Variants in RIMS3 observed in about 807,000 individuals in gnomAD.
RIMS3 encodes the protein regulating synaptic membrane exocytosis 3, also known as regulating synaptic membrane exocytosis protein 3.
RIMS3 carries 15 observed loss-of-function variants against 29.2 expected under a neutral mutation model. That is an observed-to-expected ratio of 0.51 (90% CI 0.34 to 0.79). RIMS3 has a LOEUF of 0.79. Among genes scored for constraint, RIMS3 ranks in the 30% least tolerant of loss-of-function variants. The pLI, the probability that RIMS3 is intolerant of heterozygous loss-of-function variation, is 0.01. For synonymous variants in RIMS3, 161 were observed against 170.1 expected (o/e 0.95, Z 0.41); for missense variants, 342 against 421.4 (o/e 0.81, Z 1.65).
At chr1:40,691,964 C>G in the RIMS3 span, 20 of 311,866 alleles carry the variant, frequency 6.4e-5, no homozygotes, top group Non-Finnish European at 1.2e-4. Context: ...ACCTCACTTC[C>G]TCGCGCGGCC....
Position 40,621,481 on chromosome 1 carries a change from T to A in RIMS3, c.*5036A>T, listed in dbSNP as rs1646420485. On this transcript the variant is annotated 3_prime_UTR_variant, in exon 8 of 8. Transcript: ENST00000372684. ...ACCAGATGAGAGCCTGCACCCAGCC[T>A]GGGCATCAGGGGCTGAAGGAAACCA... 1 of 152,224 alleles carries A rather than the reference T, an allele frequency of 6.6e-6. No individual in the cohort carries two copies. Among genetic ancestry groups the A allele is most frequent in the African/African-American group, 2.4e-5 (1 of 41,462 alleles). 9.4% of individuals were successfully genotyped at this position (152,224 alleles called of 1,614,324 possible).
chr1:40,682,835 G>A, the RIMS3 span, among the ~76,000 whole-genome samples: 16 of 142,204 alleles, frequency 1.1e-4, no homozygotes, highest in Non-Finnish European at 2.3e-4. Flanking sequence ...CTGCCTCCCG[G>A]GTTCAAGCGA....
At chr1:40,672,868 GAAA>G in the RIMS3 span, among the ~76,000 whole-genome samples, 5 of 132,464 alleles carry the variant, frequency 3.8e-5, no homozygotes, top group African/African-American at 5.6e-5. Flanking sequence ...CATCTCTGGA[GAAA>G]AAAAAAAAAA....
chr1:40,636,708 T>A lies in RIMS3; in HGVS notation c.218-651A>T, dbSNP rs1338717123. On this transcript the variant is annotated intron_variant, in intron 3 of 7. Transcript: ENST00000372684. The surrounding 1 kb of genome is among the most constrained non-coding windows in gnomAD (Gnocchi z 4.2). ...CTGCTGGGTTGACCCAAATTGTCTT[T>A]GGCTTTGAGAAAAGGTCTGCAGAAG... 6.6e-6 allele frequency among the ~76,000 whole-genome samples: 1 copy of A among 152,156 alleles called. No individual in the cohort carries two copies. Among genetic ancestry groups the A allele is most frequent in the Non-Finnish European group, 1.5e-5 (1 of 68,026 alleles).
At chr1:40,628,173 G>A (rs914636717) in intron 7 of RIMS3, among the ~76,000 whole-genome samples, 3 of 152,190 alleles carry the variant, frequency 2.0e-5, no homozygotes, top group Admixed American at 6.5e-5. Context: ...AATGAGTGCT[G>A]AGCTGGAATC....
chr1:40,688,349 CT>C, the RIMS3 span, among the ~76,000 whole-genome samples: 1 of 152,192 alleles, frequency 6.6e-6, no homozygotes, highest in East Asian at 1.9e-4. Flanking sequence ...TAGACAGGTT[CT>C]GTTATACAGT....
rs1646454102 is a variant in RIMS3 at position 40,626,366 on chromosome 1, G to A, written c.*151C>T. The A allele has an allele frequency of 1.4e-6, 1 of 727,912 alleles. No individual in the cohort carries two copies. Among genetic ancestry groups the A allele is most frequent in the Admixed American group, 2.0e-5 (1 of 49,280 alleles). The allele number at this position is 727,912 out of a possible 1,614,324, so 45.1% of individuals were successfully genotyped here. ...CGCACGCACACACGCACACACTACAGTCTCCACTGCCAGCTGGGATGAGCC... is the reference window on the plus strand; with the variant it reads ...CGCACGCACACACGCACACACTACAATCTCCACTGCCAGCTGGGATGAGCC... On this transcript the variant is annotated 3_prime_UTR_variant, in exon 8 of 8. Transcript: ENST00000372684.
intron 1 of RIMS3, among the ~76,000 whole-genome samples, chr1:40,649,832 C>T (rs1409410565): frequency 6.6e-6 from 1 of 152,130 alleles, no homozygotes; most frequent in Non-Finnish European, 1.5e-5. Flanking sequence ...CAGGGTGGGC[C>T]CTCTCCCATC....
In RIMS3 at chr1:40,623,021, G is replaced by A. The variant is rs1646432286; in HGVS notation, c.*3496C>T. ...AGGCTGGCAGTAAAGAAGAGATCAGGCATGCTTCCCTGGTGGGTGGCATGA... is the reference window on the plus strand; with the variant it reads ...AGGCTGGCAGTAAAGAAGAGATCAGACATGCTTCCCTGGTGGGTGGCATGA... On this transcript the variant is annotated 3_prime_UTR_variant, in exon 8 of 8. Transcript: ENST00000372684. 5.4e-6 allele frequency: 1 copy of A among 184,204 alleles called. No individual in the cohort carries two copies. The highest frequency in any genetic ancestry group is 1.1e-5 in the Non-Finnish European group (1 of 89,372). 11.4% of individuals were successfully genotyped at this position (184,204 alleles called of 1,614,324 possible). A position where few individuals can be genotyped will look rare whatever the true frequency, so the allele number is the denominator to read the frequency against.
At chr1:40,649,875 T>C (rs950865085) in intron 1 of RIMS3, among the ~76,000 whole-genome samples, 5 of 152,044 alleles carry the variant, frequency 3.3e-5, no homozygotes, top group Non-Finnish European at 5.9e-5. Flanking sequence ...TCTGAGGGTA[T>C]GGTAAGGGAT....
At chr1:40,660,378 C>CTT (rs535968581) in intron 1 of RIMS3, among the ~76,000 whole-genome samples, 11 of 135,172 alleles carry the variant, frequency 8.1e-5, no homozygotes, top group Admixed American at 1.5e-4. Context: ...GTTGGGGCTT[C>CTT]TTTTTTTTTT....
chr1:40,630,221 C>G (rs1426599877), intron 5 of RIMS3, among the ~76,000 whole-genome samples: 1 of 152,196 alleles, frequency 6.6e-6, no homozygotes, highest in Non-Finnish European at 1.5e-5. Flanking sequence ...GGCCAGCAGA[C>G]TTTCTGGGTG....
chr1:40,686,937 C>T, the RIMS3 span, among the ~76,000 whole-genome samples: 118,962 of 151,520 alleles, frequency 0.79, 47,309 homozygotes, highest in African/African-American at 0.9. Context: ...TCACTATCTT[C>T]TGTAAAACCT....
chr1:40,659,851 C>T (rs1034911966), intron 1 of RIMS3, among the ~76,000 whole-genome samples: 1 of 152,092 alleles, frequency 6.6e-6, no homozygotes, highest in Non-Finnish European at 1.5e-5. Context: ...CAGAAGAAGA[C>T]ACAAAAAGGT....
At chr1:40,685,348 AT>A in the RIMS3 span, among the ~76,000 whole-genome samples, 16 of 51,782 alleles carry the variant, frequency 3.1e-4, no homozygotes, top group Non-Finnish European at 4.9e-4. Context: ...TATATTATAT[AT>A]ATATTATATA....
Position 40,654,482 on chromosome 1 carries a change from C to T in RIMS3, c.-206-6640G>A, listed in dbSNP as rs142062748. Among the ~76,000 whole-genome samples, 7 of 152,272 alleles carry T rather than the reference C, an allele frequency of 4.6e-5. No individual in the cohort carries two copies. The East Asian group carries it at 1.2e-3, about 25-fold the overall frequency. On this transcript the variant is annotated intron_variant, in intron 1 of 7. Coordinates refer to ENST00000372684, the MANE Select transcript of RIMS3 (RefSeq NM_014747.3). The surrounding 1 kb of genome is among the most constrained non-coding windows in gnomAD (Gnocchi z 5.3). ...GATGCACGCTGTACAAAGAAGATGA[C>T]GTACACAAAACAACAGGCACACACC...
chr1:40,626,582 C>T lies in RIMS3; in HGVS notation c.862G>A (p.Gly288Arg), dbSNP rs765042870. The T allele has an allele frequency of 5.6e-6, 9 of 1,613,828 alleles. No homozygotes were observed. In the East Asian group the frequency reaches 8.9e-5, roughly 16 times the overall value. ...TGGGACAGGCGCCTGGTGAGGGATCCGAGTGTGGAGTCTGCCACTGAGGAG... is the reference window on the plus strand; with the variant it reads ...TGGGACAGGCGCCTGGTGAGGGATCTGAGTGTGGAGTCTGCCACTGAGGAG... ...PTSSVADSTL[G>R]SLTRRLSQSS... The change falls in exon 8 of 8, where the codon GGA becomes AGA. Residue 288 changes from glycine to arginine, a missense_variant. By Grantham distance (125) the Gly-to-Arg change is moderately radical. Transcript: ENST00000372684.
Position 40,647,175 on chromosome 1 carries a change from G to A in RIMS3, c.-32+493C>T, listed in dbSNP as rs150137694. Reference sequence around the variant, plus strand: ...ATTACAAGTGTGAGCTACCGCGCCCGGCCCAGATGAGAATTTTTGGTAGTT... The same window carrying A: ...ATTACAAGTGTGAGCTACCGCGCCCAGCCCAGATGAGAATTTTTGGTAGTT... On this transcript the variant is annotated intron_variant, in intron 2 of 7. Coordinates refer to ENST00000372684, the MANE Select transcript of RIMS3 (RefSeq NM_014747.3). Among the ~76,000 whole-genome samples, 1,482 of 152,192 alleles carry A rather than the reference G, an allele frequency of 9.7e-3. 4 individuals are homozygous for A. Among genetic ancestry groups the A allele is most frequent in the Non-Finnish European group, 0.014 (969 of 68,016 alleles).
At position 40,629,292 on chromosome 1, in the gene RIMS3, G is replaced by A. The variant is rs561024; in HGVS notation, c.553C>T (p.Pro185Ser). The A allele has an allele frequency of 1.7e-5, 27 of 1,613,976 alleles. No homozygotes were observed. The highest frequency in any genetic ancestry group is 1.6e-4 in the South Asian group (15 of 91,078). ...TCACCTGGGAGGGATTTGGAGCCTG[G>A]TTTGGGGGTCAGGCCCCGAGCTTCA... ...VIEARGLTPKPGSKSLPATYI... is the reference protein window; with the variant it reads ...VIEARGLTPKSGSKSLPATYI... The change falls in exon 6 of 8, where the codon CCA (proline) becomes TCA (serine). Residue 185 changes from proline (P) to serine (S), a missense_variant. Transcript: ENST00000372684.
Sources: allele counts gnomAD v4.1 joint callset (sites outside exome capture counted in the v4.1 genomes callset), GRCh38; gene constraint gnomAD v4.1.1; non-coding constraint Gnocchi (gnomAD v3.1); transcripts MANE v1.5; gene names NCBI Gene and HGNC (gene_info 2026-07-23, HGNC 2026-07-21).